Variants in NOL4 observed in about 807,000 individuals in gnomAD.
NOL4 encodes the protein cancer/testis antigen 125.
Under a neutral mutation model 75.9 loss-of-function variants are expected in NOL4, and 17 were observed. That is an observed-to-expected ratio of 0.22 (90% CI 0.15 to 0.34). The LOEUF (loss-of-function observed/expected upper bound fraction) is 0.34, where lower values mean the gene tolerates loss of function less well. NOL4 is among the 10% of genes least tolerant of loss of function. The pLI is 1.00. For synonymous variants in NOL4, 292 were observed against 289.9 expected (o/e 1.01, Z -0.07); for missense variants, 614 against 793.5 (o/e 0.77, Z 2.72).
At chr18:34,158,889 T>C (rs1361731058) in intron 1 of NOL4, among the ~76,000 whole-genome samples, 1 of 152,190 alleles carries the variant, frequency 6.6e-6, no homozygotes, top group African/African-American at 2.4e-5. Flanking sequence ...CCATTTACTC[T>C]GGAAGATGCT....
At chr18:34,180,261 C>A (rs1028083943) in intron 1 of NOL4, among the ~76,000 whole-genome samples, 1 of 151,386 alleles carries the variant, frequency 6.6e-6, no homozygotes, top group South Asian at 2.1e-4. Flanking sequence ...ATACCAAATT[C>A]GGCAACATAT....
At chr18:34,102,535 G>A (rs914847903) in intron 4 of NOL4, among the ~76,000 whole-genome samples, 1 of 151,952 alleles carries the variant, frequency 6.6e-6, no homozygotes, top group African/African-American at 2.4e-5. Flanking sequence ...TTTTCAAAAT[G>A]TAAGGATAAG....
chr18:34,140,142 G>T (rs929953462), intron 1 of NOL4, among the ~76,000 whole-genome samples: 1 of 152,176 alleles, frequency 6.6e-6, no homozygotes, highest in African/African-American at 2.4e-5. Context: ...GTGCTGAGAA[G>T]AATGTATATT....
At chr18:34,165,959 T>C (rs1477202029) in intron 1 of NOL4, among the ~76,000 whole-genome samples, 1 of 152,092 alleles carries the variant, frequency 6.6e-6, no homozygotes, top group Non-Finnish European at 1.5e-5. Context: ...ATGTTTAAGC[T>C]GTAACTGTGT....
At chr18:33,940,295 G>C (rs917671673) in intron 9 of NOL4, among the ~76,000 whole-genome samples, 2 of 151,872 alleles carry the variant, frequency 1.3e-5, no homozygotes, top group African/African-American at 4.8e-5. Flanking sequence ...AAGACTTGGA[G>C]CCAACAAATG....
intron 5 of NOL4, among the ~76,000 whole-genome samples, chr18:34,065,287 A>G (rs2077226747): frequency 6.6e-6 from 1 of 151,890 alleles, no homozygotes; most frequent in Admixed American, 6.6e-5. Context: ...TTGACACTTA[A>G]TATTTATTAA....
chr18:34,127,403 GGAAAAAGGA>G (rs1427908034), intron 2 of NOL4, among the ~76,000 whole-genome samples: 1 of 151,752 alleles, frequency 6.6e-6, no homozygotes, highest in African/African-American at 2.4e-5. Context: ...TGGCCATGTA[GGAAAAAGGA>G]GAAAAAGAAG....
At chr18:34,140,613 T>G (rs2081105670) in intron 1 of NOL4, among the ~76,000 whole-genome samples, 1 of 152,186 alleles carries the variant, frequency 6.6e-6, no homozygotes, top group Non-Finnish European at 1.5e-5. Context: ...AGCACACTGA[T>G]GGGTCTTGAC....
intron 6 of NOL4, among the ~76,000 whole-genome samples, chr18:34,006,040 T>G (rs1340196726): frequency 1.3e-5 from 2 of 152,090 alleles, no homozygotes. Context: ...ATATAAAAAC[T>G]GACTTTTTTT....
intron 5 of NOL4, among the ~76,000 whole-genome samples, chr18:34,069,290 G>A (rs898662597): frequency 6.6e-6 from 1 of 152,104 alleles, no homozygotes; most frequent in Admixed American, 6.5e-5. Context: ...TTGGACATGG[G>A]TAAAGAATGA....
intron 8 of NOL4, among the ~76,000 whole-genome samples, chr18:33,955,906 A>G (rs1011454414): frequency 2.6e-5 from 4 of 152,152 alleles, no homozygotes; most frequent in Non-Finnish European, 4.4e-5. Flanking sequence ...TGGTTTAACT[A>G]GGTACAGTGG....
At chr18:33,887,274 T>C (rs1325690860) in intron 9 of NOL4, among the ~76,000 whole-genome samples, 1 of 151,020 alleles carries the variant, frequency 6.6e-6, no homozygotes. Flanking sequence ...AGCATAATCC[T>C]AAATGAAAAT....
At chr18:34,165,090 G>A (rs1050895405) in intron 1 of NOL4, among the ~76,000 whole-genome samples, 1 of 132,858 alleles carries the variant, frequency 7.5e-6, no homozygotes, top group Non-Finnish European at 1.6e-5. Context: ...GGGGACTGTT[G>A]TGGGGTGGGG....
intron 9 of NOL4, among the ~76,000 whole-genome samples, chr18:33,891,916 T>C (rs543328025): frequency 6.6e-6 from 1 of 152,304 alleles, no homozygotes; most frequent in East Asian, 1.9e-4. Flanking sequence ...ATTTGCATTA[T>C]TAATGTTTTT....
chr18:34,013,723 C>G (rs898614904), intron 6 of NOL4, among the ~76,000 whole-genome samples: 2 of 152,078 alleles, frequency 1.3e-5, no homozygotes, highest in East Asian at 3.9e-4. Flanking sequence ...GAGACTCACA[C>G]ACAAATCAAT....
rs753390385 is a variant in NOL4, at chr18:33,958,261, G to A, written c.1214C>T (p.Ala405Val). Residue 405 changes from alanine to valine, a missense_variant, in exon 7 of 11, where the codon GCC (alanine) becomes GTC (valine). Coordinates refer to ENST00000261592, the MANE Select transcript of NOL4 (RefSeq NM_003787.5). ...CACATTAAAAGCTTTCAGCCGCTCG[G>A]CTTCAACGCCGTCTGTCTCATTAAC... Reference protein sequence around the residue: ...EKVNETDGVEAERLKAFNMFV... With the variant: ...EKVNETDGVEVERLKAFNMFV... 1 of 1,613,426 alleles carries A rather than the reference G, an allele frequency of 6.2e-7. No homozygotes were observed. Among genetic ancestry groups the A allele is most frequent in the South Asian group, 1.1e-5 (1 of 91,014 alleles).
chr18:33,951,494 T>C (rs894690974), intron 8 of NOL4, among the ~76,000 whole-genome samples: 6 of 152,126 alleles, frequency 3.9e-5, no homozygotes, highest in African/African-American at 1.2e-4. Flanking sequence ...AATCTACTTA[T>C]CTGTTATTAG....
In NOL4 at chr18:34,081,356, T is replaced by C. The variant is rs552860733; in HGVS notation, c.772+12109A>G. Among the ~76,000 whole-genome samples the C allele has an allele frequency of 3.3e-5, 5 of 152,302 alleles. No individual in the cohort carries two copies. The South Asian group carries it at 8.3e-4, about 25-fold the overall frequency. ...TAAGTCTACTTAACTATAATCTGGA[T>C]AATTTCCACATTATACACATTTTAA... On this transcript the variant is annotated intron_variant, in intron 5 of 10. Coordinates refer to ENST00000261592, the MANE Select transcript of NOL4 (RefSeq NM_003787.5).
In NOL4 at chr18:34,197,308, A is replaced by G. The variant is rs186670548; in HGVS notation, c.264+25682T>C. On this transcript the variant is annotated intron_variant, in intron 1 of 10. Coordinates refer to ENST00000261592, the MANE Select transcript of NOL4 (RefSeq NM_003787.5). The stretch of plus-strand genomic sequence containing the variant: ...AAAATGGCATTTCAGTGTTGAATAG[A>G]TCTATAGGTAAAATCTAATCCAATT... Among the ~76,000 whole-genome samples the G allele has an allele frequency of 3.2e-4, 48 of 152,128 alleles. No individual in the cohort carries two copies. The East Asian group carries it at 8.1e-3, about 26-fold the overall frequency.
Sources: allele counts gnomAD v4.1 joint callset (sites outside exome capture counted in the v4.1 genomes callset), GRCh38; gene constraint gnomAD v4.1.1; transcripts MANE v1.5; gene names NCBI Gene and HGNC (gene_info 2026-07-23, HGNC 2026-07-21).